Variants in ADCY2 observed in about 807,000 individuals in gnomAD.
ADCY2 encodes adenylate cyclase 2, also known as adenylate cyclase type 2.
A neutral mutation model predicts 125.2 loss-of-function variants in ADCY2; 31 were observed. The ratio of observed to expected loss-of-function variants is 0.25; its 90% CI spans 0.19 to 0.33. ADCY2 has a LOEUF of 0.33. Ranked by LOEUF, ADCY2 falls within the 10% of genes least tolerant of loss-of-function variation. The probability of loss-of-function intolerance (pLI) is 1.00; values close to 1 mark genes in which losing one functional copy is unlikely to be tolerated. For missense variants in ADCY2, 904 were observed against 1,418.2 expected (o/e 0.64, Z 5.82); for synonymous variants, 512 against 548.4 (o/e 0.93, Z 0.93).
intron 7 of ADCY2, among the ~76,000 whole-genome samples, chr5:7,705,696 A>G (rs1458288783): frequency 1.3e-5 from 2 of 152,234 alleles, no homozygotes; most frequent in Non-Finnish European, 2.9e-5. Context: ...TGACTTGCAT[A>G]GAGCCAAATG....
intron 4 of ADCY2, among the ~76,000 whole-genome samples, chr5:7,654,750 T>A (rs1334429197): frequency 6.6e-6 from 1 of 152,154 alleles, no homozygotes; most frequent in Non-Finnish European, 1.5e-5. Flanking sequence ...GAGCAGTTAA[T>A]AAACATTGCT....
intron 24 of ADCY2, among the ~76,000 whole-genome samples, chr5:7,823,428 G>A (rs1392646066): frequency 6.6e-6 from 1 of 152,198 alleles, no homozygotes; most frequent in Non-Finnish European, 1.5e-5. Context: ...TGTGGAGACT[G>A]CTCAGTTGCC....
chr5:7,738,841 AT>A (rs1742326524), intron 14 of ADCY2, among the ~76,000 whole-genome samples: 1 of 151,930 alleles, frequency 6.6e-6, no homozygotes, highest in Admixed American at 6.5e-5. Context: ...AAATCATAAA[AT>A]GTGCTTATAC....
intron 8 of ADCY2, 59 bp downstream of exon 8, chr5:7,706,961 T>A: frequency 1.3e-6 from 2 of 1,598,858 alleles, no homozygotes; most frequent in South Asian, 2.2e-5. Flanking sequence ...GAATGACAGA[T>A]TATCAGCCTA....
At chr5:7,574,210 G>A (rs551453153) in intron 3 of ADCY2, among the ~76,000 whole-genome samples, 19 of 126,174 alleles carry the variant, frequency 1.5e-4, no homozygotes, top group Admixed American at 2.4e-4. Context: ...GAATAATGCC[G>A]CAGTAAACAT....
rs1449780653 is a variant in ADCY2 at position 7,698,372 on chromosome 5, A to C, written c.1107A>C (p.Ile369=). The change falls in exon 7 of 25, where the codon ATA becomes ATC. Residue 369 remains isoleucine (I), a splice_region_variant and synonymous_variant. Transcript: ENST00000338316. ...TGGGGCTGGACATGTGTGAAGCCAT[A>C]AAGTAAGTGGACTGCTTAGTAAGCA... ...VKMGLDMCEA[I]KKVRDATGVD... 1.9e-6 allele frequency: 3 copies of C among 1,614,126 alleles called. No individual in the cohort carries two copies. Among genetic ancestry groups the C allele is most frequent in the Non-Finnish European group, 2.5e-6 (3 of 1,180,006 alleles).
At chr5:7,703,027 T>C (rs1174330659) in intron 7 of ADCY2, among the ~76,000 whole-genome samples, 1 of 152,268 alleles carries the variant, frequency 6.6e-6, no homozygotes, top group Non-Finnish European at 1.5e-5. Flanking sequence ...AAATGTCTTC[T>C]TTCGAGAAGT....
intron 2 of ADCY2, among the ~76,000 whole-genome samples, chr5:7,432,119 T>G (rs1740627000): frequency 6.6e-6 from 1 of 151,956 alleles, no homozygotes; most frequent in Non-Finnish European, 1.5e-5. Context: ...TGTCTGACAG[T>G]GTAGCTTTGG....
intron 3 of ADCY2, among the ~76,000 whole-genome samples, chr5:7,597,307 C>A (rs74484966): frequency 0.016 from 2,409 of 152,296 alleles, 58 homozygotes; most frequent in African/African-American, 0.055. Flanking sequence ...TGCACAGAGA[C>A]CTCTTTGAGA....
chr5:7,491,979 T>C (rs1446270117), intron 2 of ADCY2, among the ~76,000 whole-genome samples: 1 of 152,216 alleles, frequency 6.6e-6, no homozygotes, highest in Non-Finnish European at 1.5e-5. Flanking sequence ...TGCACAGCAC[T>C]GAGTAACACA....
intron 4 of ADCY2, among the ~76,000 whole-genome samples, chr5:7,665,828 C>CT (rs70940750): frequency 0.15 from 5,616 of 38,650 alleles, 2,466 homozygotes; most frequent in Middle Eastern, 0.2. Context: ...TAATTTAATT[C>CT]TTTTTTTTTT....
chr5:7,628,633 T>C (rs908476217), intron 4 of ADCY2, among the ~76,000 whole-genome samples: 68 of 152,314 alleles, frequency 4.5e-4, no homozygotes, highest in African/African-American at 1.6e-3. Flanking sequence ...TAAATATGTT[T>C]AATATAATAC....
rs761051698 is a variant in ADCY2, at chr5:7,396,460, T to C, written c.164T>C (p.Met55Thr). Residue 55 changes from methionine (M) to threonine (T), a missense_variant, in exon 1 of 25, where the codon ATG becomes ACG. Physicochemically the swap from Met to Thr is moderately conservative, Grantham distance 81. Coordinates refer to ENST00000338316, the MANE Select transcript of ADCY2 (RefSeq NM_020546.3). The surrounding 1 kb of genome is among the most constrained non-coding windows in gnomAD (Gnocchi z 5.7). ...ATCGTCTTCCTGCTGCTCATCGTCA[T>C]GGGCTCCTGCCTCGCCCTGCTCGCC... ...PLIVFLLLIV[M>T]GSCLALLAVF... 1.3e-6 allele frequency: 2 copies of C among 1,576,706 alleles called. No homozygotes were observed. The highest frequency in any genetic ancestry group is 2.3e-5 in the South Asian group (2 of 88,026).
chr5:7,606,298 C>G (rs990022568), intron 3 of ADCY2, among the ~76,000 whole-genome samples: 3 of 152,020 alleles, frequency 2.0e-5, no homozygotes, highest in Non-Finnish European at 2.9e-5. Flanking sequence ...AAATGTGGCC[C>G]AGGTTTGGAT....
intron 1 of ADCY2, among the ~76,000 whole-genome samples, chr5:7,400,847 A>AAG: frequency 6.6e-6 from 1 of 152,250 alleles, no homozygotes; most frequent in Admixed American, 6.5e-5. Flanking sequence ...GGTATAACAA[A>AAG]GGCCAAGGGA....
At chr5:7,713,517 A>G (rs1741505721) in intron 11 of ADCY2, among the ~76,000 whole-genome samples, 1 of 152,066 alleles carries the variant, frequency 6.6e-6, no homozygotes. Context: ...ATAAAAAGAA[A>G]AAAGTTACAC....
chr5:7,522,032 C>G (rs1236822550), intron 3 of ADCY2, among the ~76,000 whole-genome samples: 1 of 152,182 alleles, frequency 6.6e-6, no homozygotes, highest in Non-Finnish European at 1.5e-5. Flanking sequence ...TGGCTCCTCT[C>G]TGCATTGCCT....
At chr5:7,713,034 G>A in intron 11 of ADCY2, 135 bp downstream of exon 11, 1 of 615,006 alleles carries the variant, frequency 1.6e-6, no homozygotes, top group South Asian at 2.4e-5. Context: ...CTATTAAATT[G>A]CTTTCAGCTT....
rs181177545 is a variant in ADCY2, at chr5:7,767,986, G to A, written c.2214+1180G>A. Among the ~76,000 whole-genome samples, 25 of 151,644 alleles carry A rather than the reference G, an allele frequency of 1.6e-4. 1 individual carries two copies. In the East Asian group the frequency reaches 3.5e-3, roughly 21 times the overall value. Reference sequence around the variant, plus strand: ...GCAGAGCTTGCAGTAAGCCAAGATCGTGCCACTGCACTCCAGCCTGGGCGA... The same window carrying A: ...GCAGAGCTTGCAGTAAGCCAAGATCATGCCACTGCACTCCAGCCTGGGCGA... On this transcript the variant is annotated intron_variant, in intron 17 of 24. Transcript: ENST00000338316.
Sources: allele counts gnomAD v4.1 joint callset (sites outside exome capture counted in the v4.1 genomes callset), GRCh38; gene constraint gnomAD v4.1.1; non-coding constraint Gnocchi (gnomAD v3.1); transcripts MANE v1.5; gene names NCBI Gene and HGNC (gene_info 2026-07-23, HGNC 2026-07-21).